The following GAS2L3 variants were observed in gnomAD, a reference collection of about 807,000 sequenced individuals.
The protein encoded by GAS2L3 is growth arrest specific 2 like 3.
GAS2L3 carries 28 observed loss-of-function variants against 37.0 expected under a neutral mutation model. That is an observed-to-expected ratio of 0.76 (90% confidence interval 0.56 to 1.04). The LOEUF (loss-of-function observed/expected upper bound fraction) is 1.04. Among genes scored for constraint, GAS2L3 ranks in the 50% least tolerant of loss-of-function variants. The pLI is 0.00. For missense variants in GAS2L3, 793 were observed against 817.6 expected (o/e 0.97, Z 0.37); for synonymous variants, 290 against 296.6 (o/e 0.98, Z 0.23).
chr12:100,585,678 A>C (rs1396937412), intron 1 of GAS2L3, among the ~76,000 whole-genome samples: 1 of 152,054 alleles, frequency 6.6e-6, no homozygotes, highest in African/African-American at 2.4e-5. Context: ...AGTTCTTGAC[A>C]CTCTGCTCTT....
At position 100,573,695 on chromosome 12, in the gene GAS2L3, G is replaced by A; in HGVS notation, c.-242G>A. On this transcript the variant is annotated 5_prime_UTR_variant, in exon 1 of 10. Transcript: ENST00000547754. ...TGACCCTGAGGCCCAGGCGGCGGCG[G>A]CAGCGGCGGCGGTTGGTCAGGGGCG... The A allele has an allele frequency of 6.3e-6, 1 of 158,516 alleles. No individual in the cohort carries two copies. Among genetic ancestry groups the A allele is most frequent in the Non-Finnish European group, 1.4e-5 (1 of 72,602 alleles). 9.8% of individuals were successfully genotyped at this position (158,516 alleles called of 1,614,324 possible).
At chr12:100,586,722 C>A (rs750428116) in intron 1 of GAS2L3, among the ~76,000 whole-genome samples, 2 of 151,858 alleles carry the variant, frequency 1.3e-5, no homozygotes, top group Non-Finnish European at 2.9e-5. Context: ...AAGGAAATAA[C>A]CAAGATCGTA....
At chr12:100,581,772 A>C (rs536352304) in intron 1 of GAS2L3, among the ~76,000 whole-genome samples, 2 of 152,332 alleles carry the variant, frequency 1.3e-5, no homozygotes, top group South Asian at 4.1e-4. Context: ...GTAAAGTGAG[A>C]AACTATAACA....
At chr12:100,583,835 C>T (rs1955744964) in intron 1 of GAS2L3, among the ~76,000 whole-genome samples, 1 of 152,080 alleles carries the variant, frequency 6.6e-6, no homozygotes, top group Admixed American at 6.6e-5. Context: ...AGCACCTTGA[C>T]CGTAATCACT....
At chr12:100,592,130 A>T (rs1048278755) in intron 2 of GAS2L3, among the ~76,000 whole-genome samples, 1 of 152,022 alleles carries the variant, frequency 6.6e-6, no homozygotes, top group Admixed American at 6.6e-5. Flanking sequence ...ATAAAATCTT[A>T]CTGGTACAGT....
chr12:100,585,930 T>G (rs1313637354), intron 1 of GAS2L3, among the ~76,000 whole-genome samples: 1 of 152,190 alleles, frequency 6.6e-6, no homozygotes, highest in South Asian at 2.1e-4. Context: ...TTTCTCCTTC[T>G]CTCAGTGTTT....
intron 5 of GAS2L3, among the ~76,000 whole-genome samples, chr12:100,605,253 T>G (rs1956042163): frequency 6.6e-6 from 1 of 152,036 alleles, no homozygotes; most frequent in South Asian, 2.1e-4. Flanking sequence ...TTATTACGGC[T>G]TTGATCTTGT....
In GAS2L3 at chr12:100,625,046, A is replaced by G. The variant is rs1956318577; in HGVS notation, c.*156A>G. The G allele has an allele frequency of 3.4e-6, 2 of 592,232 alleles. No individual in the cohort carries two copies. Among genetic ancestry groups the G allele is most frequent in the Non-Finnish European group, 2.9e-6 (1 of 345,596 alleles). The allele number at this position is 592,232 out of a possible 1,614,324, so 36.7% of individuals were successfully genotyped here. On this transcript the variant is annotated 3_prime_UTR_variant, in exon 10 of 10. Transcript: ENST00000547754. The stretch of plus-strand genomic sequence containing the variant: ...GAGGAAAGGGTTCATCAGAATTCAC[A>G]TATCTGAATTCACTGGAAAGAGCCC...
chr12:100,614,460 A>G (rs932295956), intron 6 of GAS2L3, among the ~76,000 whole-genome samples: 1 of 148,706 alleles, frequency 6.7e-6, no homozygotes, highest in African/African-American at 2.5e-5. Context: ...GAGACTCATA[A>G]AAAAAAAAAA....
chr12:100,593,663 T>A (rs1158854337), intron 2 of GAS2L3: 4 of 152,194 alleles, frequency 2.6e-5, no homozygotes, highest in South Asian at 2.1e-4. Context: ...GCTGCATTTT[T>A]AAAAAATGGT....
intron 1 of GAS2L3, chr12:100,579,306 G>C (rs188646283): frequency 1.6e-6 from 1 of 642,718 alleles, no homozygotes; most frequent in Non-Finnish European, 2.9e-6. Flanking sequence ...TCTTATACTA[G>C]TAAGGAAAAT....
At chr12:100,620,321 G>A (rs1956238090) in intron 8 of GAS2L3, among the ~76,000 whole-genome samples, 1 of 151,958 alleles carries the variant, frequency 6.6e-6, no homozygotes, top group Non-Finnish European at 1.5e-5. Context: ...TAGACAAACT[G>A]TATAGAAATG....
intron 5 of GAS2L3, among the ~76,000 whole-genome samples, chr12:100,609,886 A>C (rs950764764): frequency 1.3e-5 from 2 of 152,054 alleles, no homozygotes; most frequent in Non-Finnish European, 2.9e-5. Context: ...TCCCAAATAC[A>C]CAGATGTTCT....
chr12:100,604,199 C>T (rs1956027660), intron 5 of GAS2L3, among the ~76,000 whole-genome samples: 1 of 151,826 alleles, frequency 6.6e-6, no homozygotes, highest in African/African-American at 2.4e-5. Flanking sequence ...GTAGTATGGC[C>T]GTTTTAACAA....
chr12:100,578,065 T>C (rs1955660523), intron 1 of GAS2L3, among the ~76,000 whole-genome samples: 1 of 152,190 alleles, frequency 6.6e-6, no homozygotes, highest in Non-Finnish European at 1.5e-5. Flanking sequence ...ATCAGAGTTG[T>C]GAAAAAATCA....
At chr12:100,589,261 A>G (rs1955816909) in intron 1 of GAS2L3, among the ~76,000 whole-genome samples, 1 of 152,152 alleles carries the variant, frequency 6.6e-6, no homozygotes, top group Non-Finnish European at 1.5e-5. Context: ...AATGTACACA[A>G]ATCAGTAGCT....
chr12:100,620,532 G>A lies in GAS2L3; in HGVS notation c.649-1743G>A, dbSNP rs534239196. On this transcript the variant is annotated intron_variant, in intron 8 of 9. Coordinates refer to ENST00000547754, the MANE Select transcript of GAS2L3 (RefSeq NM_174942.3). The stretch of plus-strand genomic sequence containing the variant: ...GTACTGCTCAATATAAGTGAGATTC[G>A]GGTATCTTAAATAAGGAAAAGATAC... Among the ~76,000 whole-genome samples, 19 of 151,764 alleles carry A rather than the reference G, an allele frequency of 1.3e-4. No individual in the cohort carries two copies. The South Asian group carries it at 2.7e-3, about 22-fold the overall frequency.
rs200442516 is a variant in GAS2L3, at chr12:100,612,118, A to T, written c.422A>T (p.Tyr141Phe). Residue 141 changes from tyrosine to phenylalanine, a missense_variant, in exon 6 of 10, where the codon TAC becomes TTC. Transcript: ENST00000547754. ...WCRDIGVDETYLFESEGLVLH... is the reference protein window; with the variant it reads ...WCRDIGVDETFLFESEGLVLH... ...AGGGACATTGGGGTTGATGAAACTT[A>T]CCTCTTTGAATCTGAAGGTTTAGGT... 2.3e-5 allele frequency: 37 copies of T among 1,613,344 alleles called. No homozygotes were observed. The East Asian group carries it at 8.3e-4, about 36-fold the overall frequency.
intron 1 of GAS2L3, chr12:100,578,910 T>C: frequency 1.1e-6 from 1 of 871,188 alleles, no homozygotes; most frequent in Non-Finnish European, 1.9e-6. Flanking sequence ...ATTTACCAGC[T>C]CCCTCAGTGC....
Sources: gnomAD v4.1 joint callset for allele counts (sites outside exome capture counted in the v4.1 genomes callset) on GRCh38, gnomAD v4.1.1 for gene constraint, MANE v1.5 for transcripts, NCBI Gene and HGNC (gene_info 2026-07-23, HGNC 2026-07-21) for gene names.